The following OSBPL10 variants were observed in gnomAD, a reference collection of about 807,000 sequenced individuals.
OSBPL10 encodes oxysterol-binding protein-related protein 10.
A neutral mutation model predicts 81.7 loss-of-function variants in OSBPL10; 49 were observed. The ratio of observed to expected loss-of-function variants is 0.60; its 90% confidence interval spans 0.48 to 0.76. The LOEUF (loss-of-function observed/expected upper bound fraction) is 0.76. Ranked by LOEUF, OSBPL10 falls within the 30% of genes least tolerant of loss-of-function variation. The probability of loss-of-function intolerance (pLI) is 0.00; values close to 1 mark genes in which losing one functional copy is unlikely to be tolerated. For synonymous variants in OSBPL10, 419 were observed against 383.6 expected (o/e 1.09, Z -1.08); for missense variants, 923 against 987.8 (o/e 0.93, Z 0.88).
chr3:31,765,609 T>C (rs901129422), intron 4 of OSBPL10, among the ~76,000 whole-genome samples: 2 of 152,164 alleles, frequency 1.3e-5, no homozygotes, highest in African/African-American at 4.8e-5. Flanking sequence ...TTGGTCTCAA[T>C]GCCACTATGA....
chr3:31,975,253 G>C (rs903910907), intron 1 of OSBPL10, among the ~76,000 whole-genome samples: 1 of 151,900 alleles, frequency 6.6e-6, no homozygotes, highest in Non-Finnish European at 1.5e-5. Context: ...TTTAGCACAC[G>C]GCCTCAAAAC....
rs375987596 is a variant in OSBPL10, at chr3:31,990,553, C to T, written n.298+55938G>A. The T allele has an allele frequency of 6.2e-6, 10 of 1,604,204 alleles. No homozygotes were observed. The highest frequency in any genetic ancestry group is 2.8e-5 in the African/African-American group (2 of 72,656). Reference sequence around the variant, plus strand: ...GTGTAATGAGTGTGGCAAGACCTTCCGTCACAATTCAGCCCTTGTAATTCA... The same window carrying T: ...GTGTAATGAGTGTGGCAAGACCTTCTGTCACAATTCAGCCCTTGTAATTCA... On this transcript the variant is annotated intron_variant and non_coding_transcript_variant, in intron 2 of 3. Coordinates refer to the OSBPL10 transcript ENST00000479173.
At chr3:32,072,033 C>A (rs147504815) in intron 1 of OSBPL10, among the ~76,000 whole-genome samples, 2,217 of 152,268 alleles carry the variant, frequency 0.015, 49 homozygotes, top group East Asian at 0.087. Context: ...CACTCTGCCC[C>A]CCTCTACTAC....
At position 31,683,953 on chromosome 3, in the gene OSBPL10, G is replaced by T; in HGVS notation, c.1407C>A (p.Gly469=). The T allele has an allele frequency of 6.2e-7, 1 of 1,614,208 alleles. No homozygotes were observed. The change falls in exon 8 of 12, where the codon GGC becomes GGA. Residue 469 remains glycine, a synonymous_variant. Transcript: ENST00000396556. ...GCTTCTTGGCTAAAGCGCCCTTGCG[G>T]CCCTCGTGAAAGGCTGTGAGATAAT... is the stretch of plus-strand genomic sequence containing the variant. ...VEYYLTAFHE[G]RKGALAKKPY...
rs1163886704 is a variant in OSBPL10 at position 31,842,468 on chromosome 3, G to C, written c.538-12237C>G. ...AGTTGGCTCTGTGTTAATACAGGGA[G>C]GAAGACAGGGTGATCCTTACAGGAA... On this transcript the variant is annotated intron_variant, in intron 3 of 11. Coordinates refer to ENST00000396556, the MANE Select transcript of OSBPL10 (RefSeq NM_017784.5). Among the ~76,000 whole-genome samples the C allele has an allele frequency of 4.6e-5, 7 of 152,316 alleles. No homozygotes were observed. In the East Asian group the frequency reaches 1.4e-3, roughly 29 times the overall value.
chr3:31,841,297 C>A (rs1389851674), intron 3 of OSBPL10, among the ~76,000 whole-genome samples: 2 of 152,324 alleles, frequency 1.3e-5, no homozygotes, highest in South Asian at 2.1e-4. Flanking sequence ...GTAAACAGAG[C>A]CAACAAGATT....
At chr3:32,020,155 T>G (rs774017900) in intron 2 of OSBPL10, among the ~76,000 whole-genome samples, 6 of 152,272 alleles carry the variant, frequency 3.9e-5, no homozygotes, top group Non-Finnish European at 5.9e-5. Context: ...CCTGTTATTT[T>G]CTATAGCTTT....
intron 1 of OSBPL10, among the ~76,000 whole-genome samples, chr3:31,890,266 T>A (rs1055430470): frequency 2.0e-5 from 3 of 151,472 alleles, no homozygotes; most frequent in African/African-American, 7.3e-5. Context: ...CCAAGATGAA[T>A]GTTATTTAAG....
At chr3:31,854,480 A>G (rs570738706) in intron 3 of OSBPL10, among the ~76,000 whole-genome samples, 4 of 152,212 alleles carry the variant, frequency 2.6e-5, no homozygotes, top group Non-Finnish European at 5.9e-5. Flanking sequence ...ATTAACATGG[A>G]AATGATTAAT....
At chr3:31,994,697 G>C (rs1259179722) in intron 2 of OSBPL10, among the ~76,000 whole-genome samples, 1 of 152,170 alleles carries the variant, frequency 6.6e-6, no homozygotes, top group Non-Finnish European at 1.5e-5. Context: ...TTTATAAATT[G>C]AAAGTGTACT....
intron 3 of OSBPL10, among the ~76,000 whole-genome samples, chr3:31,843,270 T>TGGGAGATGGGTGCC (rs1400546305): frequency 6.6e-6 from 1 of 152,222 alleles, no homozygotes; most frequent in Non-Finnish European, 1.5e-5. Context: ...CCTTGATCAA[T>TGGGAGATGGGTGCC]GGGAGATGGG....
chr3:31,963,120 TCA>T (rs895653596), intron 1 of OSBPL10, among the ~76,000 whole-genome samples: 2 of 152,086 alleles, frequency 1.3e-5, no homozygotes, highest in African/African-American at 2.4e-5. Flanking sequence ...CTATCTCCCT[TCA>T]CACAGATTCA....
At chr3:31,770,178 C>G (rs1698335791) in intron 4 of OSBPL10, among the ~76,000 whole-genome samples, 1 of 152,092 alleles carries the variant, frequency 6.6e-6, no homozygotes, top group African/African-American at 2.4e-5. Flanking sequence ...GAGCATTTTC[C>G]CATTTCTGTC....
At chr3:31,819,083 C>G (rs1205106036) in intron 4 of OSBPL10, among the ~76,000 whole-genome samples, 2 of 152,212 alleles carry the variant, frequency 1.3e-5, no homozygotes, top group Admixed American at 1.3e-4. Context: ...GGGTGTGGGA[C>G]AAGGAGAATG....
At chr3:32,009,229 T>C (rs1285870977) in intron 2 of OSBPL10, among the ~76,000 whole-genome samples, 1 of 152,226 alleles carries the variant, frequency 6.6e-6, no homozygotes, top group Non-Finnish European at 1.5e-5. Flanking sequence ...TCCAAGGCCC[T>C]GTGAAGGTCT....
At chr3:31,794,392 G>A (rs939851721) in intron 4 of OSBPL10, 6 of 156,404 alleles carry the variant, frequency 3.8e-5, no homozygotes, top group East Asian at 3.8e-4. Flanking sequence ...CACCGCAGGC[G>A]ATCCACCTGC....
chr3:31,775,166 T>C (rs1039951988), intron 4 of OSBPL10, among the ~76,000 whole-genome samples: 1 of 151,822 alleles, frequency 6.6e-6, no homozygotes, highest in African/African-American at 2.4e-5. Flanking sequence ...AGTGAGACTC[T>C]CTCTCTCCAA....
In OSBPL10 at chr3:31,830,127, ACCGGGGGC is replaced by A; in HGVS notation, c.634_641del (p.Ala212CysfsTer46). On this transcript the variant is annotated frameshift_variant, in exon 4 of 12. Transcript: ENST00000396556. LOFTEE classifies it high-confidence loss of function. ...ACTTGTGATGCGTGATTGTGACAAC[ACCGGGGGC>A]CCCCACACTGAGGTGTCTCTGGCTA... 1.2e-6 allele frequency: 2 copies of A among 1,614,076 alleles called. No individual in the cohort carries two copies. Among genetic ancestry groups the A allele is most frequent in the Non-Finnish European group, 1.7e-6 (2 of 1,179,998 alleles).
At chr3:31,791,986 C>G (rs1008542291) in intron 4 of OSBPL10, among the ~76,000 whole-genome samples, 3 of 152,092 alleles carry the variant, frequency 2.0e-5, no homozygotes, top group African/African-American at 7.2e-5. Context: ...TGGTTCACAC[C>G]TGTAGTCCCA....
Sources: gnomAD v4.1 joint callset for allele counts (sites outside exome capture counted in the v4.1 genomes callset) on GRCh38, gnomAD v4.1.1 for gene constraint, MANE v1.5 for transcripts, NCBI Gene and HGNC (gene_info 2026-07-23, HGNC 2026-07-21) for gene names.